AGBL4: variants seen among roughly 807,000 people sequenced by gnomAD.
The protein encoded by AGBL4 is AGBL carboxypeptidase 4.
In AGBL4, 58 loss-of-function variants were observed where a neutral mutation model predicts 66.4. The ratio of observed to expected loss-of-function variants is 0.87; its 90% CI spans 0.71 to 1.09. The LOEUF (loss-of-function observed/expected upper bound fraction) is 1.09, where lower values mean the gene tolerates loss of function less well. AGBL4 is among the 50% of genes least tolerant of loss of function. The pLI, the probability that AGBL4 is intolerant of heterozygous loss-of-function variation, is 0.00. For missense variants in AGBL4, 579 were observed against 631.0 expected (o/e 0.92, Z 0.88); for synonymous variants, 234 against 222.9 (o/e 1.05, Z -0.44).
intron 3 of AGBL4, among the ~76,000 whole-genome samples, chr1:49,309,638 A>G (rs1644909993): frequency 6.6e-6 from 1 of 151,692 alleles, no homozygotes; most frequent in African/African-American, 2.4e-5. Flanking sequence ...GTGCATGTGT[A>G]TGTACTGTAA....
chr1:48,839,184 C>T (rs929941747), intron 6 of AGBL4, among the ~76,000 whole-genome samples: 7 of 151,958 alleles, frequency 4.6e-5, no homozygotes, highest in African/African-American at 1.7e-4. Flanking sequence ...GGATATCCAT[C>T]GAAAAGAAAG....
At chr1:49,299,253 G>C (rs1644700318) in intron 3 of AGBL4, among the ~76,000 whole-genome samples, 1 of 152,128 alleles carries the variant, frequency 6.6e-6, no homozygotes, top group Non-Finnish European at 1.5e-5. Flanking sequence ...TTCTGAAATG[G>C]ATCTTACTTT....
chr1:49,600,029 A>G (rs1644924215), intron 3 of AGBL4, among the ~76,000 whole-genome samples: 1 of 152,162 alleles, frequency 6.6e-6, no homozygotes, highest in Non-Finnish European at 1.5e-5. Flanking sequence ...TTTACTTCCA[A>G]TTATGTGGTC....
At chr1:49,916,953 T>A (rs1447178384) in intron 1 of AGBL4, among the ~76,000 whole-genome samples, 1 of 152,174 alleles carries the variant, frequency 6.6e-6, no homozygotes, top group Non-Finnish European at 1.5e-5. Context: ...GAAAAGAATT[T>A]TCAACCTAGA....
intron 4 of AGBL4, among the ~76,000 whole-genome samples, chr1:49,146,735 G>A (rs965637344): frequency 6.6e-6 from 1 of 152,224 alleles, no homozygotes; most frequent in Non-Finnish European, 1.5e-5. Flanking sequence ...ACCCTCCAAG[G>A]AGCATGATGG....
intron 5 of AGBL4, among the ~76,000 whole-genome samples, chr1:48,938,520 A>G (rs922402318): frequency 6.6e-6 from 1 of 152,284 alleles, no homozygotes; most frequent in African/African-American, 2.4e-5. Context: ...TTAAACGGGA[A>G]TGATAAGAAG....
intron 3 of AGBL4, among the ~76,000 whole-genome samples, chr1:49,310,737 G>A (rs1489303067): frequency 6.6e-6 from 1 of 152,022 alleles, no homozygotes; most frequent in African/African-American, 2.4e-5. Context: ...AAAGGAGGCA[G>A]CAGAAAACTG....
intron 2 of AGBL4, among the ~76,000 whole-genome samples, chr1:49,750,289 G>A (rs151329196): frequency 0.028 from 4,198 of 151,986 alleles, 165 homozygotes; most frequent in African/African-American, 0.096. Flanking sequence ...TAGGGAAGGG[G>A]GTCCAGTTTC....
At chr1:49,504,332 T>C (rs1274826942) in intron 3 of AGBL4, among the ~76,000 whole-genome samples, 1 of 152,126 alleles carries the variant, frequency 6.6e-6, no homozygotes. Flanking sequence ...GTCTCAGAGG[T>C]ATTTCTCCAC....
chr1:49,489,589 A>T (rs183963902), intron 3 of AGBL4, among the ~76,000 whole-genome samples: 9 of 151,818 alleles, frequency 5.9e-5, no homozygotes, highest in Admixed American at 5.9e-4. Flanking sequence ...CTTGTGGGGT[A>T]TTACTCAAGA....
intron 4 of AGBL4, among the ~76,000 whole-genome samples, chr1:49,212,229 A>G (rs893611303): frequency 7.2e-5 from 11 of 152,086 alleles, no homozygotes; most frequent in African/African-American, 2.7e-4. Flanking sequence ...ATATTTTCTA[A>G]ATATCCATCT....
chr1:49,206,602 A>G (rs1019097333), intron 4 of AGBL4, among the ~76,000 whole-genome samples: 9 of 152,154 alleles, frequency 5.9e-5, no homozygotes, highest in Non-Finnish European at 1.0e-4. Context: ...GTATAGGATG[A>G]AGAAAATGAA....
intron 11 of AGBL4, among the ~76,000 whole-genome samples, chr1:48,572,830 G>A (rs1644588983): frequency 6.6e-6 from 1 of 152,158 alleles, no homozygotes; most frequent in East Asian, 1.9e-4. Flanking sequence ...TGCACCCTGG[G>A]GGCCAGGAGA....
chr1:49,997,577 A>C (rs1307827749), intron 1 of AGBL4, among the ~76,000 whole-genome samples: 1 of 152,166 alleles, frequency 6.6e-6, no homozygotes, highest in Non-Finnish European at 1.5e-5. Flanking sequence ...TAGACCTAAG[A>C]AATGAGATAG....
chr1:48,976,421 G>A (rs1659342379), intron 5 of AGBL4, among the ~76,000 whole-genome samples: 1 of 152,164 alleles, frequency 6.6e-6, no homozygotes, highest in East Asian at 1.9e-4. Flanking sequence ...GTGGCAGAAT[G>A]ATTATAGTAT....
intron 3 of AGBL4, among the ~76,000 whole-genome samples, chr1:49,617,358 T>TA (rs775394882): frequency 1.3e-5 from 2 of 152,202 alleles, no homozygotes; most frequent in Non-Finnish European, 2.9e-5. Flanking sequence ...ATACACTATT[T>TA]AAAAAGTGTA....
chr1:49,891,493 T>A (rs530222126), intron 1 of AGBL4, among the ~76,000 whole-genome samples: 1 of 152,214 alleles, frequency 6.6e-6, no homozygotes, highest in East Asian at 1.9e-4. Context: ...CAATAACCTA[T>A]AATGCACAGA....
chr1:49,950,356 A>T (rs1236231802), intron 1 of AGBL4, among the ~76,000 whole-genome samples: 1 of 151,244 alleles, frequency 6.6e-6, no homozygotes, highest in African/African-American at 2.4e-5. Context: ...AGCTATGAGG[A>T]TGCAAACGCA....
At chr1:49,693,671 T>C (rs1050822022) in intron 3 of AGBL4, among the ~76,000 whole-genome samples, 7 of 152,044 alleles carry the variant, frequency 4.6e-5, no homozygotes, top group Non-Finnish European at 4.4e-5. Flanking sequence ...ATATTGCACA[T>C]TGACTATTTT....
Sources: gnomAD v4.1 joint callset for allele counts (sites outside exome capture counted in the v4.1 genomes callset) on GRCh38, gnomAD v4.1.1 for gene constraint, MANE v1.5 for transcripts, NCBI Gene and HGNC (gene_info 2026-07-23, HGNC 2026-07-21) for gene names.